The following ZNF793 variants were observed in gnomAD, a reference collection of about 807,000 sequenced individuals.
ZNF793 encodes zinc finger protein 793.
Under a neutral mutation model 12.4 loss-of-function variants are expected in ZNF793, and 5 were observed. The ratio of observed to expected loss-of-function variants is 0.40; its 90% CI spans 0.21 to 0.84. ZNF793 has a LOEUF of 0.84. Ranked by LOEUF, ZNF793 falls within the 40% of genes least tolerant of loss-of-function variation. The pLI is 0.35. For missense variants in ZNF793, 456 were observed against 495.0 expected (o/e 0.92, Z 0.75); for synonymous variants, 162 against 172.4 (o/e 0.94, Z 0.47).
chr19:37,541,188 TCTGGAACAGAAC>T lies in ZNF793; in HGVS notation c.*3312_*3323del, dbSNP rs1288571361. 3.4e-3 allele frequency: 2 copies of T among 584 alleles called. No homozygotes were observed. Among genetic ancestry groups the T allele is most frequent in the Non-Finnish European group, 7.0e-3 (2 of 284 alleles). 0.0% of individuals were successfully genotyped at this position (584 alleles called of 1,614,324 possible). A position where few individuals can be genotyped will look rare whatever the true frequency, so the allele number is the denominator to read the frequency against. ...AAAGAGTAGTTTACTTAAAAAGAAT[TCTGGAACAGAAC>T]CTTTTAATCTTAAAGGAAGAAAATT... is the stretch of plus-strand genomic sequence containing the variant. On this transcript the variant is annotated 3_prime_UTR_variant, in exon 8 of 8. Coordinates refer to ENST00000627814, the MANE Select transcript of ZNF793 (RefSeq NM_001013659.3).
chr19:37,507,427 C>A (rs1275354818), intron 1 of ZNF793: 1 of 152,076 alleles, frequency 6.6e-6, no homozygotes, highest in East Asian at 1.9e-4. Flanking sequence ...GTTCTAAGTT[C>A]TGTGGGCAGT....
At chr19:37,536,155 A>G (rs940911304) in intron 7 of ZNF793, 1 of 286,240 alleles carries the variant, frequency 3.5e-6, no homozygotes, top group Non-Finnish European at 6.4e-6. Context: ...CTTAAGTCCT[A>G]GTTAGCTTTG....
At chr19:37,510,270 C>T (rs916434506) in intron 2 of ZNF793, among the ~76,000 whole-genome samples, 8 of 150,912 alleles carry the variant, frequency 5.3e-5, no homozygotes, top group African/African-American at 2.0e-4. Context: ...TTTGGGAGGC[C>T]GAGGCAGGTG....
intron 2 of ZNF793, among the ~76,000 whole-genome samples, chr19:37,513,510 A>G (rs529501652): frequency 2.6e-5 from 4 of 152,336 alleles, no homozygotes; most frequent in Non-Finnish European, 1.5e-5. Context: ...AATCACAAAG[A>G]AAACATCTTG....
In ZNF793 at chr19:37,537,032, T is replaced by G; in HGVS notation, c.374T>G (p.Leu125Arg). ...AATAAGTTTGGGAAAATATCACTTC[T>G]GAGCACTGATCTTTTTTCTTCAATC... is the stretch of plus-strand genomic sequence containing the variant. Reference protein sequence around the residue: ...EYNKFGKISLLSTDLFSSIQS... With the variant: ...EYNKFGKISLRSTDLFSSIQS... Residue 125 changes from leucine to arginine, a missense_variant, in exon 8 of 8, where the codon CTG becomes CGG. By Grantham distance (102) the Leu-to-Arg change is moderately radical. Transcript: ENST00000627814. 6.2e-7 allele frequency: 1 copy of G among 1,613,986 alleles called. No individual in the cohort carries two copies. The highest frequency in any genetic ancestry group is 8.5e-7 in the Non-Finnish European group (1 of 1,179,868).
Position 37,537,452 on chromosome 19 carries a change from C to A in ZNF793, c.794C>A (p.Ser265Ter). The change falls in exon 8 of 8, where the codon TCA becomes TAA. Residue 265 changes from serine (S) to a stop codon, truncating the protein, a stop_gained. Transcript: ENST00000627814. LOFTEE classifies it low-confidence loss of function (END_TRUNC). ...YGCTDCGKAF[S>*]HKSTLIKHQR... is the part of the protein sequence containing the mutation. ...TGCACTGACTGTGGGAAAGCCTTTT[C>A]ACATAAGTCAACCCTCATCAAACAC... is the stretch of plus-strand genomic sequence containing the variant. 1 of 1,613,726 alleles carries A rather than the reference C, an allele frequency of 6.2e-7. No individual in the cohort carries two copies. Among genetic ancestry groups the A allele is most frequent in the Non-Finnish European group, 8.5e-7 (1 of 1,179,758 alleles).
In ZNF793 at chr19:37,525,459, C is replaced by T. The variant is rs374902032; in HGVS notation, c.15+2005C>T. 8.8e-5 allele frequency among the ~76,000 whole-genome samples: 6 copies of T among 68,490 alleles called. No homozygotes were observed. In the South Asian group the frequency reaches 2.0e-3, roughly 23 times the overall value. The allele number at this position is 68,490 out of a possible 152,430, so 44.9% of individuals were successfully genotyped here. A position where few individuals can be genotyped will look rare whatever the true frequency, so the allele number is the denominator to read the frequency against. On this transcript the variant is annotated intron_variant, in intron 5 of 7. Coordinates refer to ENST00000627814, the MANE Select transcript of ZNF793 (RefSeq NM_001013659.3). Reference sequence around the variant, plus strand: ...GGCCTTTTTTTTTTTTTTTTTGAGACGGAGTCTCGCTCTGTCACTCAGGCT... The same window carrying T: ...GGCCTTTTTTTTTTTTTTTTTGAGATGGAGTCTCGCTCTGTCACTCAGGCT...
chr19:37,524,306 G>A (rs2042397378), intron 5 of ZNF793, among the ~76,000 whole-genome samples: 1 of 151,964 alleles, frequency 6.6e-6, no homozygotes, highest in South Asian at 2.1e-4. Flanking sequence ...TTGTAAAGAT[G>A]GGGTCTTACT....
In ZNF793 at chr19:37,542,876, A is replaced by C. The variant is rs1326147044; in HGVS notation, c.*4997A>C. On this transcript the variant is annotated 3_prime_UTR_variant, in exon 8 of 8. Transcript: ENST00000627814. ...TGAAGAAAAGTATAGAAGAGTATGC[A>C]TTGACTTGGAGGGAGGTGGGTAATG... 1 of 152,698 alleles carries C rather than the reference A, an allele frequency of 6.5e-6. No individual in the cohort carries two copies. The highest frequency in any genetic ancestry group is 1.5e-5 in the Non-Finnish European group (1 of 68,390). The allele number at this position is 152,698 out of a possible 1,614,324, so 9.5% of individuals were successfully genotyped here.
intron 5 of ZNF793, among the ~76,000 whole-genome samples, chr19:37,526,059 G>GC (rs1470755649): frequency 6.6e-6 from 1 of 152,076 alleles, no homozygotes; most frequent in Admixed American, 6.6e-5. Context: ...CATCGGGCAG[G>GC]CCGGGACCCT....
intron 6 of ZNF793, among the ~76,000 whole-genome samples, chr19:37,532,745 G>C (rs1338943020): frequency 6.6e-6 from 1 of 151,972 alleles, no homozygotes; most frequent in East Asian, 1.9e-4. Context: ...CTTGAACCCG[G>C]GAGGCAGAGG....
chr19:37,511,643 C>T (rs1370556190), intron 2 of ZNF793, among the ~76,000 whole-genome samples: 5 of 152,152 alleles, frequency 3.3e-5, no homozygotes, highest in Admixed American at 3.3e-4. Flanking sequence ...TGCACTCTAG[C>T]CTGAGCAACA....
chr19:37,525,252 C>T (rs1388576690), intron 5 of ZNF793, among the ~76,000 whole-genome samples: 1 of 151,850 alleles, frequency 6.6e-6, no homozygotes, highest in East Asian at 1.9e-4. Flanking sequence ...CATTCTCCTG[C>T]CTCAGCCTCC....
At chr19:37,510,821 C>G (rs939322635) in intron 2 of ZNF793, among the ~76,000 whole-genome samples, 3 of 151,784 alleles carry the variant, frequency 2.0e-5, no homozygotes, top group Non-Finnish European at 2.9e-5. Context: ...CTCAGCCTCC[C>G]GAGTAGCTGG....
chr19:37,535,705 G>A (rs1005452924), intron 7 of ZNF793: 3 of 151,836 alleles, frequency 2.0e-5, no homozygotes, highest in Admixed American at 1.3e-4. Flanking sequence ...TCTATTTTTA[G>A]TAGAGACTGG....
chr19:37,517,681 A>G (rs906426150), intron 2 of ZNF793, among the ~76,000 whole-genome samples: 2 of 152,100 alleles, frequency 1.3e-5, no homozygotes. Context: ...GGGCAGTGTG[A>G]GGAATAAATG....
intron 3 of ZNF793, among the ~76,000 whole-genome samples, chr19:37,520,820 C>A (rs540906163): frequency 1.1e-4 from 16 of 152,222 alleles, no homozygotes; most frequent in Non-Finnish European, 1.9e-4. Flanking sequence ...GACTCAGAGG[C>A]AGAAATGGCC....
rs781598849 is a variant in ZNF793, at chr19:37,537,063, C to A, written c.405C>A (p.Ser135Arg). 5.0e-6 allele frequency: 8 copies of A among 1,613,626 alleles called. No homozygotes were observed. In the East Asian group the frequency reaches 1.3e-4, roughly 27 times the overall value. Residue 135 changes from serine to arginine, a missense_variant, in exon 8 of 8, where the codon AGC (serine) becomes AGA (arginine). Coordinates refer to ENST00000627814, the MANE Select transcript of ZNF793 (RefSeq NM_001013659.3). ...LSTDLFSSIQSPSNWNPCGKN... is the reference protein window; with the variant it reads ...LSTDLFSSIQRPSNWNPCGKN... ...CTGATCTTTTTTCTTCAATCCAGAG[C>A]CCTAGTAACTGGAACCCTTGTGGAA...
Position 37,537,325 on chromosome 19 carries a change from A to G in ZNF793, c.667A>G (p.Thr223Ala), listed in dbSNP as rs776603680. ...LLYKRKRVPP[T>A]EKPHVCSECG... ...GTACAAACGGAAGAGGGTTCCACCT[A>G]CAGAAAAACCCCACGTCTGTAGTGA... is the stretch of plus-strand genomic sequence containing the variant. Residue 223 changes from threonine (T) to alanine (A), a missense_variant, in exon 8 of 8, where the codon ACA becomes GCA. Physicochemically the swap from Thr to Ala is moderately conservative, Grantham distance 58. Transcript: ENST00000627814. 8.1e-6 allele frequency: 13 copies of G among 1,613,636 alleles called. No homozygotes were observed. In the Admixed American group the frequency reaches 1.8e-4, roughly 23 times the overall value.
Sources: gnomAD v4.1 joint callset for allele counts (sites outside exome capture counted in the v4.1 genomes callset) on GRCh38, gnomAD v4.1.1 for gene constraint, MANE v1.5 for transcripts, NCBI Gene and HGNC (gene_info 2026-07-23, HGNC 2026-07-21) for gene names.